The following SLC35D4 variants were observed in gnomAD, a reference collection of about 807,000 sequenced individuals.
SLC35D4 encodes the protein UDP-N-acetylglucosamine transporter SLC35D4.
chr18:23,363,670 G>T, the SLC35D4 span, among the ~76,000 whole-genome samples: 12 of 152,062 alleles, frequency 7.9e-5, no homozygotes, highest in African/African-American at 2.9e-4. Flanking sequence ...CACCACGCCC[G>T]GCTGACAAAA....
At chr18:23,408,803 A>ATATC in the SLC35D4 span, among the ~76,000 whole-genome samples, 2 of 149,084 alleles carry the variant, frequency 1.3e-5, no homozygotes, top group African/African-American at 4.9e-5. Flanking sequence ...TGTGCTTTCT[A>ATATC]TATCTTATCT....
At chr18:23,259,037 C>G in the SLC35D4 span, 1 of 151,906 alleles carries the variant, frequency 6.6e-6, no homozygotes, top group African/African-American at 2.4e-5. Flanking sequence ...TTAATGTGGT[C>G]TCTTTGGCTG....
At chr18:23,319,067 C>A in the SLC35D4 span, among the ~76,000 whole-genome samples, 4 of 151,772 alleles carry the variant, frequency 2.6e-5, no homozygotes, top group African/African-American at 4.8e-5. Context: ...TGGTCTCGAC[C>A]TCCTGACCTC....
chr18:23,275,401 C>T, the SLC35D4 span, among the ~76,000 whole-genome samples: 5 of 152,166 alleles, frequency 3.3e-5, no homozygotes, highest in Non-Finnish European at 7.3e-5. Flanking sequence ...CTAGAGGCTA[C>T]TCAAGGACCA....
chr18:23,252,085 CAAA>C, the SLC35D4 span, among the ~76,000 whole-genome samples: 15 of 72,284 alleles, frequency 2.1e-4, no homozygotes, highest in East Asian at 4.4e-3. Context: ...GACTCCGTCT[CAAA>C]AAAAAAAAAA....
At chr18:23,416,334 C>T in the SLC35D4 span, among the ~76,000 whole-genome samples, 2 of 152,192 alleles carry the variant, frequency 1.3e-5, no homozygotes, top group African/African-American at 2.4e-5. Flanking sequence ...CTCTCCAGCC[C>T]CACCATTACA....
At chr18:23,426,317 C>T in the SLC35D4 span, among the ~76,000 whole-genome samples, 3 of 152,038 alleles carry the variant, frequency 2.0e-5, no homozygotes, top group Non-Finnish European at 4.4e-5. Context: ...ACATGATGGA[C>T]AACAGGTTGA....
chr18:23,309,662 T>C, the SLC35D4 span: 3 of 1,612,238 alleles, frequency 1.9e-6, no homozygotes, highest in African/African-American at 4.0e-5. Flanking sequence ...ACTTTATCTC[T>C]CTATGCAAAA....
the SLC35D4 span, among the ~76,000 whole-genome samples, chr18:23,328,308 T>C: frequency 1.3e-5 from 2 of 152,318 alleles, no homozygotes; most frequent in East Asian, 1.9e-4. Context: ...GAAAACCCCA[T>C]TGTCTCAGCT....
the SLC35D4 span, among the ~76,000 whole-genome samples, chr18:23,321,319 C>T: frequency 6.6e-6 from 1 of 152,334 alleles, no homozygotes; most frequent in South Asian, 2.1e-4. Flanking sequence ...GTACAACAGT[C>T]TACTCTGAAG....
the SLC35D4 span, among the ~76,000 whole-genome samples, chr18:23,374,451 T>C: frequency 6.6e-6 from 1 of 151,884 alleles, no homozygotes; most frequent in Admixed American, 6.6e-5. Flanking sequence ...TGAGGAACTG[T>C]TCTAGATTAA....
chr18:23,265,404 A>G, the SLC35D4 span, among the ~76,000 whole-genome samples: 1 of 151,892 alleles, frequency 6.6e-6, no homozygotes, highest in African/African-American at 2.4e-5. Context: ...TGGCCAATAC[A>G]CCCAGTTGGC....
the SLC35D4 span, among the ~76,000 whole-genome samples, chr18:23,244,878 T>C: frequency 6.6e-6 from 1 of 152,226 alleles, no homozygotes; most frequent in African/African-American, 2.4e-5. Context: ...AGCTCACATC[T>C]GCTTAGAACT....
At chr18:23,314,227 A>C in the SLC35D4 span, among the ~76,000 whole-genome samples, 1 of 152,252 alleles carries the variant, frequency 6.6e-6, no homozygotes, top group African/African-American at 2.4e-5. Context: ...CTTCCTCTTC[A>C]GAAATGCGTG....
chr18:23,401,081 T>G, the SLC35D4 span, among the ~76,000 whole-genome samples: 1 of 152,366 alleles, frequency 6.6e-6, no homozygotes, highest in South Asian at 2.1e-4. Flanking sequence ...CATTTTTTGT[T>G]TTAAATGTTT....
chr18:23,274,993 G>A, the SLC35D4 span, among the ~76,000 whole-genome samples: 2 of 151,960 alleles, frequency 1.3e-5, no homozygotes, highest in Admixed American at 6.6e-5. Flanking sequence ...GTGCATGTGT[G>A]TGAGCGTGCT....
At chr18:23,376,229 C>G in the SLC35D4 span, among the ~76,000 whole-genome samples, 4 of 152,232 alleles carry the variant, frequency 2.6e-5, no homozygotes, top group African/African-American at 9.7e-5. Context: ...ATATCTAACA[C>G]ACAACAACTT....
At chr18:23,387,980 C>T in the SLC35D4 span, among the ~76,000 whole-genome samples, 1 of 152,258 alleles carries the variant, frequency 6.6e-6, no homozygotes. Context: ...CCTTCCAATT[C>T]TTGGCTTGAA....
chr18:23,422,419 A>G, the SLC35D4 span, among the ~76,000 whole-genome samples: 1 of 151,300 alleles, frequency 6.6e-6, no homozygotes, highest in East Asian at 1.9e-4. Context: ...TTTGGCCTTC[A>G]CCTCCCTCGT....
Sources: gnomAD v4.1 joint callset for allele counts (sites outside exome capture counted in the v4.1 genomes callset) on GRCh38, gnomAD v4.1.1 for gene constraint, MANE v1.5 for transcripts, NCBI Gene and HGNC (gene_info 2026-07-23, HGNC 2026-07-21) for gene names.